Variants in COL2A1 observed in about 807,000 individuals in gnomAD.
COL2A1 encodes collagen alpha-1(II) chain.
A neutral mutation model predicts 204.5 loss-of-function variants in COL2A1; 28 were observed. The ratio of observed to expected loss-of-function variants is 0.14; its 90% confidence interval spans 0.10 to 0.19. COL2A1 has a LOEUF of 0.19. Among genes scored for constraint, COL2A1 ranks in the 10% least tolerant of loss-of-function variants. COL2A1 has a pLI of 1.00. For synonymous variants in COL2A1, 708 were observed against 718.7 expected, an observed-to-expected ratio of 0.99 and a Z score of 0.24; for missense variants, 1,388 against 2,027.5, an observed-to-expected ratio of 0.68 and a Z score of 6.06.
chr12:47,998,602 T>C (rs769588002), intron 2 of COL2A1, 171 bp from the exon 3 acceptor site: 7 of 681,532 alleles, frequency 1.0e-5, no homozygotes, highest in Non-Finnish European at 1.5e-5. Context: ...TTAGGGCCAC[T>C]GTGGCCCTGG....
Position 47,984,569 on chromosome 12 carries a change from G to A in COL2A1, c.1864C>T (p.Leu622=). 1 of 1,614,204 alleles carries A rather than the reference G, an allele frequency of 6.2e-7. No homozygotes were observed. The highest frequency in any genetic ancestry group is 8.5e-7 in the Non-Finnish European group (1 of 1,180,036). The change falls in exon 28 of 54, where the codon CTG becomes TTG. Residue 622 remains leucine, a synonymous_variant. Coordinates refer to ENST00000380518, the MANE Select transcript of COL2A1 (RefSeq NM_001844.5). The stretch of plus-strand genomic sequence containing the variant: ...ACCCTCAGACCAGGAGCACCAGGCA[G>A]TCCCTTCTCACCAGCTTTGCCAGGC... The part of the protein sequence containing the change: ...GEPGKAGEKG[L]PGAPGLRGLP...
chr12:47,985,451 A>C (rs1939341801), intron 26 of COL2A1, 83 bp downstream of exon 26: 28 of 1,452,554 alleles, frequency 1.9e-5, no homozygotes, highest in Non-Finnish European at 2.6e-5. Flanking sequence ...AGGCCTCCCT[A>C]ACCCAAACTC....
chr12:47,977,695 G>C, intron 44 of COL2A1, 42 bp from the exon 45 acceptor site: 1 of 1,602,006 alleles, frequency 6.2e-7, no homozygotes, highest in South Asian at 1.1e-5. Flanking sequence ...GCTGCTTCCT[G>C]CCCATCTCCC....
chr12:47,975,150 G>C (rs879793444), intron 51 of COL2A1, among the ~76,000 whole-genome samples, 167 bp downstream of exon 51: 1 of 152,196 alleles, frequency 6.6e-6, no homozygotes, highest in Non-Finnish European at 1.5e-5. Flanking sequence ...TGGCAGGACA[G>C]GGGCCAGGGC....
intron 2 of COL2A1, chr12:47,998,723 C>G: frequency 2.4e-6 from 1 of 410,156 alleles, no homozygotes; most frequent in South Asian, 3.3e-5. Flanking sequence ...ATGAAGAGCT[C>G]AAGATCTAAT....
chr12:47,975,829 A>C, intron 50 of COL2A1, 134 bp downstream of exon 50: 1 of 851,854 alleles, frequency 1.2e-6, no homozygotes, highest in South Asian at 1.4e-5. Context: ...ACCTCTGAGG[A>C]GACCTCAGGA....
At position 47,995,470 on chromosome 12, in the gene COL2A1, A is replaced by T. The variant is rs146382382; in HGVS notation, c.709-162T>A. ...CAGAGATCATAGTGGGACGCAGCAG[A>T]TAGCACAGGCTGGGGTGACCCGGAA... is the stretch of plus-strand genomic sequence containing the variant. On this transcript the variant is annotated intron_variant, in intron 10 of 53. Coordinates refer to ENST00000380518, the MANE Select transcript of COL2A1 (RefSeq NM_001844.5). Among the ~76,000 whole-genome samples, 15 of 152,334 alleles carry T rather than the reference A, an allele frequency of 9.8e-5. No individual in the cohort carries two copies. In the East Asian group the frequency reaches 1.3e-3, roughly 14 times the overall value.
chr12:47,983,522 A>G (rs1939210566), intron 30 of COL2A1, 84 bp from the exon 31 acceptor site: 2 of 1,501,160 alleles, frequency 1.3e-6, no homozygotes, highest in Middle Eastern at 1.7e-4. Flanking sequence ...GGCAGACCCA[A>G]AGAAAGGAAG....
chr12:47,993,423 T>G (rs773679167), intron 15 of COL2A1, 35 bp downstream of exon 15: 1 of 1,546,378 alleles, frequency 6.5e-7, no homozygotes, highest in Non-Finnish European at 8.9e-7. Flanking sequence ...CTGAAGAGTC[T>G]TTGATAAACC....
chr12:47,982,446 G>T, intron 34 of COL2A1, 56 bp downstream of exon 34: 1 of 1,416,200 alleles, frequency 7.1e-7, no homozygotes, highest in Non-Finnish European at 1.0e-6. Flanking sequence ...GATCACAAGG[G>T]GCAGGAATGT....
intron 22 of COL2A1, 141 bp downstream of exon 22, chr12:47,986,694 A>C: frequency 1.0e-6 from 1 of 1,000,852 alleles, no homozygotes; most frequent in Non-Finnish European, 1.6e-6. Flanking sequence ...AGCCCTGTTA[A>C]GTCTCCTCCA....
upstream of COL2A1, chr12:48,006,099 T>A (rs907268354): frequency 2.0e-5 from 3 of 152,290 alleles, no homozygotes; most frequent in African/African-American, 7.2e-5. Context: ...ATTCAGGGGC[T>A]TGCATTAAGC....
chr12:47,977,965 C>T, intron 44 of COL2A1, 45 bp downstream of exon 44: 1 of 1,534,314 alleles, frequency 6.5e-7, no homozygotes, highest in East Asian at 2.3e-5. Context: ...ACTCACAGGG[C>T]CCCTCTCCCC....
intron 25 of COL2A1, 41 bp downstream of exon 25, chr12:47,985,687 G>A (rs1395321582): frequency 1.2e-6 from 2 of 1,611,368 alleles, no homozygotes; most frequent in East Asian, 2.2e-5. Flanking sequence ...GGAAGGGCCT[G>A]AGGGTCTGAA....
In COL2A1 at chr12:47,999,943, G is replaced by A; in HGVS notation, c.268C>T (p.Pro90Ser). ...CCACTGGCAGTGGCGAGGTCAGTTG[G>A]GCAGATGGGGCAGCACTCTCCGAAG... Reference protein sequence around the residue: ...IPFGECCPICPTDLATASGQP... With the variant: ...IPFGECCPICSTDLATASGQP... The change falls in exon 2 of 54, where the codon CCA (proline) becomes TCA (serine). Residue 90 changes from proline (P) to serine (S), a missense_variant. Physicochemically the swap from Pro to Ser is moderately conservative, Grantham distance 74 (BLOSUM62 -1). Coordinates refer to ENST00000380518, the MANE Select transcript of COL2A1 (RefSeq NM_001844.5). The A allele has an allele frequency of 6.2e-7, 1 of 1,614,152 alleles. No homozygotes were observed.
rs1192098602 is a variant in COL2A1 at position 47,985,046 on chromosome 12, C to A, written c.1782G>T (p.Gly594=). 6.2e-7 allele frequency: 1 copy of A among 1,613,874 alleles called. No individual in the cohort carries two copies. Among genetic ancestry groups the A allele is most frequent in the African/African-American group, 1.3e-5 (1 of 74,926 alleles). The change falls in exon 27 of 54, where the codon GGG becomes GGT. Residue 594 remains glycine, a synonymous_variant. Transcript: ENST00000380518. The stretch of plus-strand genomic sequence containing the variant: ...CCATGACACCAGGCTGCCCACGAGC[C>A]CCCTGAGGACCTGGAGGTCCAGGAC... The part of the protein sequence containing the change: ...DGRPGPPGPQ[G]ARGQPGVMGF...
chr12:47,985,151 A>T lies in COL2A1; in HGVS notation c.1735-58T>A. On this transcript the variant is annotated intron_variant, in intron 26 of 53. Transcript: ENST00000380518. ...ACACTCTGACCACATCCATCCACCC[A>T]ACATCCACTAAGGGCCTACATGGCA... is the stretch of plus-strand genomic sequence containing the variant. 4 of 1,386,508 alleles carry T rather than the reference A, an allele frequency of 2.9e-6. No homozygotes were observed. The South Asian group carries it at 3.6e-5, about 12-fold the overall frequency. 85.9% of individuals were successfully genotyped at this position (1,386,508 alleles called of 1,614,324 possible).
rs1939026601 is a variant in COL2A1 at position 47,980,871 on chromosome 12, T to C, written c.2517+44A>G. On this transcript the variant is annotated intron_variant, in intron 38 of 53. Coordinates refer to ENST00000380518, the MANE Select transcript of COL2A1 (RefSeq NM_001844.5). The surrounding 1 kb of genome is among the most constrained non-coding windows in gnomAD (Gnocchi z 4.5). Reference sequence around the variant, plus strand: ...TGCCCGAGGGTGCTGGATGTGGAACTGGCCTGAGTGGAGGGACCCAGGAGG... The same window carrying C: ...TGCCCGAGGGTGCTGGATGTGGAACCGGCCTGAGTGGAGGGACCCAGGAGG... The C allele has an allele frequency of 1.3e-6, 2 of 1,548,260 alleles. No individual in the cohort carries two copies. Among genetic ancestry groups the C allele is most frequent in the Non-Finnish European group, 1.7e-6 (2 of 1,143,890 alleles).
upstream of COL2A1, chr12:48,004,538 G>C (rs1047204067): frequency 1.0e-5 from 5 of 488,250 alleles, no homozygotes; most frequent in Non-Finnish European, 1.8e-5. Context: ...TGGCGAACTC[G>C]CCCAAACCGC....
Sources: allele counts gnomAD v4.1 joint callset (sites outside exome capture counted in the v4.1 genomes callset), GRCh38; gene constraint gnomAD v4.1.1; non-coding constraint Gnocchi (gnomAD v3.1); transcripts MANE v1.5; gene names NCBI Gene and HGNC (gene_info 2026-07-23, HGNC 2026-07-21).